Variants in PFDN1 observed in about 807,000 individuals in gnomAD.
The protein encoded by PFDN1 is prefoldin subunit 1.
In PFDN1, 6 loss-of-function variants were observed where a neutral mutation model predicts 17.3. The observed-to-expected ratio is 0.35, with a 90% CI of 0.19 to 0.69. The LOEUF (loss-of-function observed/expected upper bound fraction) is 0.69, where lower values mean the gene tolerates loss of function less well. PFDN1 is among the 30% of genes least tolerant of loss of function. The pLI, the probability that PFDN1 is intolerant of heterozygous loss-of-function variation, is 0.65. For missense variants in PFDN1, 113 were observed against 146.2 expected (o/e 0.77, Z 1.17); for synonymous variants, 58 against 50.1 (o/e 1.16, Z -0.67).
At chr5:140,252,826 G>A (rs776552537) in intron 3 of PFDN1, among the ~76,000 whole-genome samples, 2 of 152,216 alleles carry the variant, frequency 1.3e-5, no homozygotes, top group African/African-American at 4.8e-5. Flanking sequence ...GCATGGCCAC[G>A]GCTGCAGCAG....
At chr5:140,300,639 CTCAAATCCAAATATA>C in intron 1 of PFDN1, 57 bp from the exon 2 acceptor site, 1 of 1,224,894 alleles carries the variant, frequency 8.2e-7, no homozygotes, top group Non-Finnish European at 1.1e-6. Context: ...AAACATTTAC[CTCAAATCCAAATATA>C]TTAAAACAAA....
intron 2 of PFDN1, among the ~76,000 whole-genome samples, chr5:140,295,164 G>A (rs1765634330): frequency 6.6e-6 from 1 of 151,798 alleles, no homozygotes; most frequent in Admixed American, 6.6e-5. Flanking sequence ...ATCAAATCAG[G>A]GTTAGGATCA....
intron 3 of PFDN1, 45 bp downstream of exon 3, chr5:140,281,404 C>T: frequency 1.2e-6 from 1 of 808,922 alleles, no homozygotes; most frequent in Non-Finnish European, 2.2e-6. Context: ...AATAAGATTA[C>T]TACTTTCTCC....
At position 140,285,238 on chromosome 5, in the gene PFDN1, G is replaced by C. The variant is rs550458534; in HGVS notation, c.201-3705C>G. On this transcript the variant is annotated intron_variant, in intron 2 of 3. Coordinates refer to ENST00000261813, the MANE Select transcript of PFDN1 (RefSeq NM_002622.5). ...ATTAAGCAGCATAGAAAAGACATAA[G>C]AATGAGCCTATCTTCAGGAGAATGG... Among the ~76,000 whole-genome samples, 6 of 151,648 alleles carry C rather than the reference G, an allele frequency of 4.0e-5. No individual in the cohort carries two copies. The East Asian group carries it at 1.2e-3, about 29-fold the overall frequency.
Position 140,250,205 on chromosome 5 carries a change from C to CCT in PFDN1, c.286-4149_286-4148insAG, listed in dbSNP as rs1270247124. ...CAGTACTTTTCAACTTCCAAGAAGCCATGCATGCATGGTCTTGGTTTCAGC... is the reference window on the plus strand; with the variant it reads ...CAGTACTTTTCAACTTCCAAGAAGCCCTATGCATGCATGGTCTTGGTTTCAGC... On this transcript the variant is annotated intron_variant, in intron 3 of 3. Transcript: ENST00000261813. Among the ~76,000 whole-genome samples the CCT allele has an allele frequency of 4.6e-5, 7 of 152,278 alleles. No individual in the cohort carries two copies. The East Asian group carries it at 1.2e-3, about 25-fold the overall frequency.
chr5:140,254,857 C>A lies in PFDN1; in HGVS notation c.286-8800G>T, dbSNP rs1764963977. Among the ~76,000 whole-genome samples, 1 of 152,128 alleles carries A rather than the reference C, an allele frequency of 6.6e-6. No homozygotes were observed. The highest frequency in any genetic ancestry group is 2.4e-5 in the African/African-American group (1 of 41,422). On this transcript the variant is annotated intron_variant, in intron 3 of 3. Transcript: ENST00000261813. This position sits in a 1 kb window ranked among gnomAD's most constrained non-coding sequence, Gnocchi z 4.4. ...CCTACCCAGCTTTGCTTATATAGTCCATCATTTATATTTATTCTCCTTATA... is the reference window on the plus strand; with the variant it reads ...CCTACCCAGCTTTGCTTATATAGTCAATCATTTATATTTATTCTCCTTATA...
intron 3 of PFDN1, 68 bp from the exon 4 acceptor site, chr5:140,246,125 G>T: frequency 1.1e-6 from 1 of 917,262 alleles, no homozygotes; most frequent in Non-Finnish European, 1.8e-6. Context: ...ACACAGCTTT[G>T]ATGTCCAATG....
chr5:140,255,543 G>A (rs1262775656), intron 3 of PFDN1, among the ~76,000 whole-genome samples: 1 of 152,154 alleles, frequency 6.6e-6, no homozygotes, highest in Non-Finnish European at 1.5e-5. Context: ...GAAGGCTAAG[G>A]CAGGAGGATC....
At chr5:140,278,557 C>CAAAAAAAAA (rs113129230) in intron 3 of PFDN1, among the ~76,000 whole-genome samples, 21 of 79,012 alleles carry the variant, frequency 2.7e-4, no homozygotes, top group Non-Finnish European at 4.1e-4. Context: ...GACTCTGTCT[C>CAAAAAAAAA]AAAAAAAAAA....
At chr5:140,260,093 T>C (rs1363604745) in intron 3 of PFDN1, among the ~76,000 whole-genome samples, 1 of 152,108 alleles carries the variant, frequency 6.6e-6, no homozygotes, top group Non-Finnish European at 1.5e-5. Context: ...ATCCCAGCAC[T>C]TTGGAAGGCC....
chr5:140,283,170 T>TG (rs1765435461), intron 2 of PFDN1, among the ~76,000 whole-genome samples: 1 of 152,238 alleles, frequency 6.6e-6, no homozygotes, highest in South Asian at 2.1e-4. Context: ...CACATATTAA[T>TG]AAAATCTGAA....
rs568189744 is a variant in PFDN1, at chr5:140,283,042, G to C, written c.201-1509C>G. Among the ~76,000 whole-genome samples the C allele has an allele frequency of 2.6e-4, 40 of 152,312 alleles. 1 individual carries two copies. The East Asian group carries it at 7.7e-3, about 29-fold the overall frequency. On this transcript the variant is annotated intron_variant, in intron 2 of 3. Transcript: ENST00000261813. Reference sequence around the variant, plus strand: ...GTGCCTAGGTGGGTTCTTATCAAGAGAGTCCGTTATTATAGATATAAGACA... The same window carrying C: ...GTGCCTAGGTGGGTTCTTATCAAGACAGTCCGTTATTATAGATATAAGACA...
chr5:140,245,820 A>C lies in PFDN1; in HGVS notation c.*154T>G. The C allele has an allele frequency of 3.2e-6, 2 of 627,570 alleles. No individual in the cohort carries two copies. The highest frequency in any genetic ancestry group is 3.7e-5 in the South Asian group (2 of 54,086). 38.9% of individuals were successfully genotyped at this position (627,570 alleles called of 1,614,324 possible). ...GTAAAAACTCCAGGGCTGGGAAGCA[A>C]ATGGGGCTCAGGGTGATGCAGAAAA... On this transcript the variant is annotated 3_prime_UTR_variant, in exon 4 of 4. Transcript: ENST00000261813.
At chr5:140,270,453 A>C (rs1765190916) in intron 3 of PFDN1, among the ~76,000 whole-genome samples, 1 of 152,216 alleles carries the variant, frequency 6.6e-6, no homozygotes, top group Non-Finnish European at 1.5e-5. Flanking sequence ...AACAAGATGC[A>C]AAAAGCTGAA....
intron 3 of PFDN1, among the ~76,000 whole-genome samples, chr5:140,275,105 C>T (rs1018491036): frequency 2.6e-5 from 4 of 151,922 alleles, no homozygotes; most frequent in Non-Finnish European, 4.4e-5. Context: ...AGACTATCTT[C>T]CCACCATTAA....
intron 1 of PFDN1, among the ~76,000 whole-genome samples, chr5:140,301,742 A>T (rs183923195): frequency 6.6e-6 from 1 of 152,370 alleles, no homozygotes; most frequent in Admixed American, 6.5e-5. Flanking sequence ...CAATAAATTC[A>T]AAAGTACCGG....
intron 2 of PFDN1, among the ~76,000 whole-genome samples, chr5:140,285,470 C>A (rs1218598888): frequency 1.3e-5 from 2 of 151,550 alleles, no homozygotes; most frequent in Non-Finnish European, 2.9e-5. Flanking sequence ...AATTGAACTT[C>A]TTTTTTTAAA....
intron 3 of PFDN1, among the ~76,000 whole-genome samples, chr5:140,247,034 C>A (rs1490064526): frequency 6.6e-6 from 1 of 152,244 alleles, no homozygotes; most frequent in Admixed American, 6.5e-5. Flanking sequence ...CACCCAAGCA[C>A]CTGTTGATTC....
intron 3 of PFDN1, among the ~76,000 whole-genome samples, chr5:140,271,446 G>A (rs1036106656): frequency 8.5e-5 from 13 of 152,106 alleles, no homozygotes; most frequent in Admixed American, 2.0e-4. Context: ...AACAACGTAG[G>A]AAAGAGATTA....
Sources: gnomAD v4.1 joint callset for allele counts (sites outside exome capture counted in the v4.1 genomes callset) on GRCh38, gnomAD v4.1.1 for gene constraint, Gnocchi (gnomAD v3.1) non-coding constraint, MANE v1.5 for transcripts, NCBI Gene and HGNC (gene_info 2026-07-23, HGNC 2026-07-21) for gene names.